The following PABPC4L variants were observed in gnomAD, a reference collection of about 807,000 sequenced individuals.
PABPC4L encodes poly(A) binding protein cytoplasmic 4 like.
For missense variants in PABPC4L, 452 were observed against 451.4 expected (o/e 1.00, Z -0.01); for synonymous variants, 169 against 164.1 (o/e 1.03, Z -0.23).
chr4:133,969,198 T>C, the PABPC4L span, among the ~76,000 whole-genome samples: 1 of 152,344 alleles, frequency 6.6e-6, no homozygotes, highest in East Asian at 1.9e-4. Flanking sequence ...TGTGCATGTT[T>C]CTCTATGAAC....
the PABPC4L span, among the ~76,000 whole-genome samples, chr4:134,093,569 C>A: frequency 1.3e-5 from 1 of 78,800 alleles, no homozygotes; most frequent in Non-Finnish European, 2.4e-5. Flanking sequence ...TCTTTTCTTT[C>A]TCTTTTTTTT....
the PABPC4L span, among the ~76,000 whole-genome samples, chr4:134,022,401 G>A: frequency 2.0e-5 from 3 of 152,086 alleles, no homozygotes; most frequent in South Asian, 2.1e-4. Context: ...AAGACGTTAC[G>A]AATAAAACAC....
the PABPC4L span, among the ~76,000 whole-genome samples, chr4:133,957,871 C>T: frequency 2.0e-5 from 3 of 152,186 alleles, no homozygotes; most frequent in Admixed American, 2.0e-4. Flanking sequence ...GGAGCTGAAG[C>T]ACCTGGGATG....
In PABPC4L at chr4:134,200,633, C is replaced by T. The variant is rs1212812785; in HGVS notation, c.387G>A (p.Val129=). ...SAFGKILSSK[V]MSDDQGSKGY... ...CCTTGGAGCCTTGATCATCACTCAT[C>T]ACCTTGGAGGAAAGGATCTTTCCAA... is the stretch of plus-strand genomic sequence containing the variant. The change falls in exon 2 of 2, where the codon GTG becomes GTA. Residue 129 remains valine (V), a synonymous_variant. Coordinates refer to ENST00000421491, the MANE Select transcript of PABPC4L (RefSeq NM_001114734.2). The T allele has an allele frequency of 1.3e-6, 2 of 1,551,658 alleles. No individual in the cohort carries two copies. Among genetic ancestry groups the T allele is most frequent in the Non-Finnish European group, 8.7e-7 (1 of 1,146,972 alleles).
chr4:134,163,995 G>A, the PABPC4L span, among the ~76,000 whole-genome samples: 1 of 152,008 alleles, frequency 6.6e-6, no homozygotes, highest in Non-Finnish European at 1.5e-5. Context: ...CAGGCGCGGT[G>A]GCTCACGCCT....
chr4:134,140,712 G>A, the PABPC4L span, among the ~76,000 whole-genome samples: 1 of 151,872 alleles, frequency 6.6e-6, no homozygotes, highest in East Asian at 1.9e-4. Context: ...ATTTATAGGA[G>A]ATACAATATG....
chr4:134,041,381 A>C, the PABPC4L span, among the ~76,000 whole-genome samples: 3 of 152,170 alleles, frequency 2.0e-5, no homozygotes, highest in Non-Finnish European at 4.4e-5. Flanking sequence ...ACACCATGGA[A>C]TACTAGGCAG....
chr4:134,173,053 G>A, the PABPC4L span, among the ~76,000 whole-genome samples: 1 of 147,106 alleles, frequency 6.8e-6, no homozygotes, highest in African/African-American at 2.5e-5. Context: ...AAAAAGACAG[G>A]CAATAACAAA....
At chr4:134,125,619 A>T in the PABPC4L span, among the ~76,000 whole-genome samples, 35 of 152,282 alleles carry the variant, frequency 2.3e-4, no homozygotes, top group Non-Finnish European at 4.7e-4. Context: ...AATCATGCTG[A>T]CATATATCAG....
At chr4:133,961,314 C>T in the PABPC4L span, among the ~76,000 whole-genome samples, 7 of 152,138 alleles carry the variant, frequency 4.6e-5, no homozygotes, top group Non-Finnish European at 8.8e-5. Context: ...AGAGAGATAA[C>T]AATCCCTACA....
the PABPC4L span, among the ~76,000 whole-genome samples, chr4:134,126,410 G>C: frequency 6.6e-6 from 1 of 152,022 alleles, no homozygotes; most frequent in South Asian, 2.1e-4. Flanking sequence ...TTTTGAATAT[G>C]ACTTATCAGA....
chr4:134,128,431 T>C, the PABPC4L span, among the ~76,000 whole-genome samples: 1 of 152,082 alleles, frequency 6.6e-6, no homozygotes, highest in East Asian at 1.9e-4. Flanking sequence ...AGGTAACCTA[T>C]AAAGGAAAAT....
the PABPC4L span, among the ~76,000 whole-genome samples, chr4:134,169,651 A>C: frequency 6.6e-6 from 1 of 152,064 alleles, no homozygotes; most frequent in Non-Finnish European, 1.5e-5. Context: ...TCAACAGCAA[A>C]CAATCTGAAA....
chr4:134,022,936 A>G, the PABPC4L span, among the ~76,000 whole-genome samples: 2 of 152,022 alleles, frequency 1.3e-5, no homozygotes, highest in Non-Finnish European at 1.5e-5. Context: ...TAATTAATTA[A>G]TATCAGGATT....
chr4:133,953,092 C>G, the PABPC4L span, among the ~76,000 whole-genome samples: 1 of 152,142 alleles, frequency 6.6e-6, no homozygotes, highest in Non-Finnish European at 1.5e-5. Context: ...CACTGATACC[C>G]CTATTCTCCA....
At chr4:134,155,136 A>C in the PABPC4L span, among the ~76,000 whole-genome samples, 1 of 152,110 alleles carries the variant, frequency 6.6e-6, no homozygotes, top group South Asian at 2.1e-4. Context: ...ACTCTAGATT[A>C]CATTTCAAAG....
the PABPC4L span, among the ~76,000 whole-genome samples, chr4:134,107,193 T>C: frequency 6.6e-6 from 1 of 151,328 alleles, no homozygotes; most frequent in Non-Finnish European, 1.5e-5. Flanking sequence ...CATAAATACA[T>C]AAGAATTATT....
the PABPC4L span, among the ~76,000 whole-genome samples, chr4:134,176,865 C>G: frequency 1.1e-4 from 16 of 152,142 alleles, 1 homozygote. Context: ...CCCCACTGCA[C>G]TTCTAAACTG....
the PABPC4L span, among the ~76,000 whole-genome samples, chr4:134,074,860 G>C: frequency 6.6e-6 from 1 of 152,076 alleles, no homozygotes; most frequent in Admixed American, 6.6e-5. Flanking sequence ...GAGGGTAACT[G>C]GCCCCATGAT....
Sources: gnomAD v4.1 joint callset for allele counts (sites outside exome capture counted in the v4.1 genomes callset) on GRCh38, gnomAD v4.1.1 for gene constraint, MANE v1.5 for transcripts, NCBI Gene and HGNC (gene_info 2026-07-23, HGNC 2026-07-21) for gene names.